The following AGAP1 variants were observed in gnomAD, a reference collection of about 807,000 sequenced individuals.
The protein encoded by AGAP1 is ArfGAP with GTPase domain, ankyrin repeat and PH domain 1, also known as arf-GAP with GTPase, ANK repeat and PH domain-containing protein 1.
In AGAP1, 29 loss-of-function variants were observed where a neutral mutation model predicts 105.3. That is an observed-to-expected ratio of 0.28 (90% CI 0.21 to 0.38). The LOEUF (loss-of-function observed/expected upper bound fraction) is 0.38. AGAP1 is among the 10% of genes least tolerant of loss of function. The pLI is 1.00. For synonymous variants in AGAP1, 509 were observed against 485.9 expected (o/e 1.05, Z -0.63); for missense variants, 998 against 1,165.1 (o/e 0.86, Z 2.09).
At position 235,747,730 on chromosome 2, in the gene AGAP1, G is replaced by A. The variant is rs182311472; in HGVS notation, c.539-2624G>A. Reference sequence around the variant, plus strand: ...TGCAGACTTGCTCTCCGTGAAGCCCGTGCTCGGCTGCTCTTTCAGGGGTTT... The same window carrying A: ...TGCAGACTTGCTCTCCGTGAAGCCCATGCTCGGCTGCTCTTTCAGGGGTTT... On this transcript the variant is annotated intron_variant, in intron 5 of 17. Transcript: ENST00000304032. This position sits in a 1 kb window ranked among gnomAD's most constrained non-coding sequence, Gnocchi z 5.0. Among the ~76,000 whole-genome samples, 14 of 152,234 alleles carry A rather than the reference G, an allele frequency of 9.2e-5. No individual in the cohort carries two copies. The highest frequency in any genetic ancestry group is 9.2e-4 in the Admixed American group (14 of 15,290).
At chr2:235,813,434 A>G (rs988418532) in intron 9 of AGAP1, among the ~76,000 whole-genome samples, 1 of 152,252 alleles carries the variant, frequency 6.6e-6, no homozygotes, top group Non-Finnish European at 1.5e-5. Flanking sequence ...AGTTCGTTTT[A>G]AGACTCAGTG....
chr2:236,046,007 A>C lies in AGAP1; in HGVS notation c.1892-3052A>C, dbSNP rs1000921558. 4.2e-6 allele frequency: 2 copies of C among 471,470 alleles called. No individual in the cohort carries two copies. The highest frequency in any genetic ancestry group is 4.0e-5 in the African/African-American group (2 of 50,054). The allele number at this position is 471,470 out of a possible 1,614,324, so 29.2% of individuals were successfully genotyped here. ...ATGTCGTCCTTCAGATCTGGACCTG[A>C]CAGCCTGGGAGCTGCTGGGGGGAGG... On this transcript the variant is annotated intron_variant, in intron 15 of 17. Coordinates refer to ENST00000304032, the MANE Select transcript of AGAP1 (RefSeq NM_001037131.3). The surrounding 1 kb of genome is among the most constrained non-coding windows in gnomAD (Gnocchi z 5.2).
At chr2:235,907,990 T>A (rs1389683177) in intron 10 of AGAP1, among the ~76,000 whole-genome samples, 1 of 152,194 alleles carries the variant, frequency 6.6e-6, no homozygotes, top group Non-Finnish European at 1.5e-5. Context: ...TGAGTGATGA[T>A]GATGCTGCAC....
chr2:235,682,797 CGT>C (rs71064869), intron 1 of AGAP1, among the ~76,000 whole-genome samples: 36 of 149,402 alleles, frequency 2.4e-4, no homozygotes, highest in South Asian at 8.5e-4. Flanking sequence ...TGTGTGCACA[CGT>C]GTGTGTGTGT....
intron 9 of AGAP1, among the ~76,000 whole-genome samples, chr2:235,881,430 C>A (rs1037867178): frequency 1.3e-5 from 2 of 152,144 alleles, no homozygotes; most frequent in Admixed American, 1.3e-4. Flanking sequence ...AATTAACTAG[C>A]CTGAGTCTTA....
At chr2:235,759,360 G>T (rs1007235100) in intron 6 of AGAP1, among the ~76,000 whole-genome samples, 1 of 151,300 alleles carries the variant, frequency 6.6e-6, no homozygotes, top group Non-Finnish European at 1.5e-5. Context: ...TAGTAGAGAC[G>T]GGCTTTCACC....
chr2:235,710,396 C>T (rs1950790144), intron 2 of AGAP1, among the ~76,000 whole-genome samples: 2 of 152,226 alleles, frequency 1.3e-5, no homozygotes, highest in Admixed American at 1.3e-4. Context: ...TGGGAAGGCC[C>T]TGTGGTCACT....
In AGAP1 at chr2:236,044,477, C is replaced by T. The variant is rs1296907342; in HGVS notation, c.1891+3636C>T. On this transcript the variant is annotated intron_variant, in intron 15 of 17. Transcript: ENST00000304032. This position sits in a 1 kb window ranked among gnomAD's most constrained non-coding sequence, Gnocchi z 5.7. ...CCATGAAGCCCTGGTTGGAGCTGAC[C>T]GTGCGCTGGTCCCTCCCACCCTGCT... 1.3e-5 allele frequency among the ~76,000 whole-genome samples: 2 copies of T among 152,102 alleles called. No individual in the cohort carries two copies. Among genetic ancestry groups the T allele is most frequent in the East Asian group, 1.9e-4 (1 of 5,166 alleles).
chr2:235,851,194 G>A (rs1005199723), intron 9 of AGAP1, among the ~76,000 whole-genome samples: 1 of 152,244 alleles, frequency 6.6e-6, no homozygotes, highest in Non-Finnish European at 1.5e-5. Flanking sequence ...AGTGCAAGGA[G>A]CCAGTGGACC....
Position 235,882,459 on chromosome 2 carries a change from C to T in AGAP1, c.1051-886C>T, listed in dbSNP as rs992122569. 17 of 1,582,450 alleles carry T rather than the reference C, an allele frequency of 1.1e-5. No homozygotes were observed. The highest frequency in any genetic ancestry group is 1.8e-4 in the Middle Eastern group (1 of 5,532). On this transcript the variant is annotated intron_variant, in intron 9 of 17. Transcript: ENST00000304032. The surrounding 1 kb of genome is among the most constrained non-coding windows in gnomAD (Gnocchi z 4.6). ...TTTCTTCAGCTTGGCCCTATTGAAGCTGGCGATTCCCCCCACGTCTGGTTT... is the reference window on the plus strand; with the variant it reads ...TTTCTTCAGCTTGGCCCTATTGAAGTTGGCGATTCCCCCCACGTCTGGTTT...
chr2:235,859,949 C>A (rs553662443), intron 9 of AGAP1, among the ~76,000 whole-genome samples: 1 of 152,338 alleles, frequency 6.6e-6, no homozygotes, highest in South Asian at 2.1e-4. Context: ...CTGCGAATGT[C>A]TCTTGTAAAG....
rs915846754 is a variant in AGAP1, at chr2:235,904,397, G to T, written c.1156-4341G>T. On this transcript the variant is annotated intron_variant, in intron 10 of 17. Coordinates refer to ENST00000304032, the MANE Select transcript of AGAP1 (RefSeq NM_001037131.3). The surrounding 1 kb of genome is among the most constrained non-coding windows in gnomAD (Gnocchi z 4.2). ...AACTTGAGAAGGAAAATGCAAATAG[G>T]TTTGCAATTACTACTTTTTCAAGCT... Among the ~76,000 whole-genome samples the T allele has an allele frequency of 7.9e-5, 12 of 152,106 alleles. No individual in the cohort carries two copies. Among genetic ancestry groups the T allele is most frequent in the Non-Finnish European group, 1.5e-4 (10 of 68,028 alleles).
chr2:235,798,744 C>T (rs560718629), intron 7 of AGAP1, among the ~76,000 whole-genome samples: 11 of 151,966 alleles, frequency 7.2e-5, no homozygotes, highest in African/African-American at 1.2e-4. Context: ...ATTAGCTGGG[C>T]GTGGTGGCTT....
chr2:235,706,878 T>G (rs1950561237), intron 1 of AGAP1, among the ~76,000 whole-genome samples: 1 of 152,222 alleles, frequency 6.6e-6, no homozygotes, highest in Non-Finnish European at 1.5e-5. Context: ...TTCCCATTTT[T>G]CTGCAAGAGT....
rs2125439995 is a variant in AGAP1, at chr2:235,988,056, T to C, written c.1645+19433T>C. Among the ~76,000 whole-genome samples, 1 of 152,376 alleles carries C rather than the reference T, an allele frequency of 6.6e-6. No homozygotes were observed. Among genetic ancestry groups the C allele is most frequent in the East Asian group, 1.9e-4 (1 of 5,190 alleles). ...GTTTGTTCGTTTGTTCTGTTTTGTT[T>C]TTTGAAACAAGAGTCTCACTCTGTT... On this transcript the variant is annotated intron_variant, in intron 13 of 17. Transcript: ENST00000304032. This position sits in a 1 kb window ranked among gnomAD's most constrained non-coding sequence, Gnocchi z 4.7.
In AGAP1 at chr2:235,740,380, C is replaced by T. The variant is rs1952510703; in HGVS notation, c.311-583C>T. On this transcript the variant is annotated intron_variant, in intron 3 of 17. Transcript: ENST00000304032. This position sits in a 1 kb window ranked among gnomAD's most constrained non-coding sequence, Gnocchi z 5.7. The stretch of plus-strand genomic sequence containing the variant: ...GTCAGCCGCTGCTCTGCTGTCTCCA[C>T]CCGTGCGGAGGTCCCATCCAGTAGT... Among the ~76,000 whole-genome samples the T allele has an allele frequency of 6.6e-6, 1 of 152,184 alleles. No homozygotes were observed. The highest frequency in any genetic ancestry group is 2.4e-5 in the African/African-American group (1 of 41,448).
In AGAP1 at chr2:235,901,857, C is replaced by T. The variant is rs552156472; in HGVS notation, c.1156-6881C>T. Among the ~76,000 whole-genome samples the T allele has an allele frequency of 5.1e-4, 75 of 147,312 alleles. No homozygotes were observed. The highest frequency in any genetic ancestry group is 2.2e-3 in the Admixed American group (32 of 14,614). ...TCACACCACTGTACTCCAGCCTGGG[C>T]GACAGAGTGAGACTCCGTCTCGGAA... On this transcript the variant is annotated intron_variant, in intron 10 of 17. Transcript: ENST00000304032. This position sits in a 1 kb window ranked among gnomAD's most constrained non-coding sequence, Gnocchi z 4.3.
At chr2:236,103,124 C>T (rs1241446026) in intron 16 of AGAP1, among the ~76,000 whole-genome samples, 1 of 152,028 alleles carries the variant, frequency 6.6e-6, no homozygotes, top group Non-Finnish European at 1.5e-5. Flanking sequence ...AGCGCCTCCT[C>T]CCTGCTCCAG....
chr2:235,577,501 G>A lies in AGAP1; in HGVS notation c.163+82652G>A, dbSNP rs750870438. On this transcript the variant is annotated intron_variant, in intron 1 of 17. Coordinates refer to ENST00000304032, the MANE Select transcript of AGAP1 (RefSeq NM_001037131.3). The surrounding 1 kb of genome is among the most constrained non-coding windows in gnomAD (Gnocchi z 4.5). ...GAATGCCTGCTTGGAGCAGAGTCCT[G>A]TGTTTGTTTGGAAATGATCGGAAGC... Among the ~76,000 whole-genome samples the A allele has an allele frequency of 6.6e-6, 1 of 152,056 alleles. No individual in the cohort carries two copies. Among genetic ancestry groups the A allele is most frequent in the Non-Finnish European group, 1.5e-5 (1 of 68,022 alleles).
Sources: gnomAD v4.1 joint callset for allele counts (sites outside exome capture counted in the v4.1 genomes callset) on GRCh38, gnomAD v4.1.1 for gene constraint, Gnocchi (gnomAD v3.1) non-coding constraint, MANE v1.5 for transcripts, NCBI Gene and HGNC (gene_info 2026-07-23, HGNC 2026-07-21) for gene names.